The following NREP variants were observed in gnomAD, a reference collection of about 807,000 sequenced individuals.
The protein encoded by NREP is neuronal regeneration related protein.
NREP carries 5 observed loss-of-function variants against 8.6 expected under a neutral mutation model. The ratio of observed to expected loss-of-function variants is 0.58; its 90% confidence interval spans 0.30 to 1.22. NREP has a LOEUF of 1.22. Among genes scored for constraint, NREP ranks in the 50% most tolerant of loss-of-function variants. The probability of loss-of-function intolerance (pLI) is 0.07; values close to 1 mark genes in which losing one functional copy is unlikely to be tolerated. For missense variants in NREP, 86 were observed against 82.5 expected (o/e 1.04, Z -0.17); for synonymous variants, 27 against 28.0 (o/e 0.96, Z 0.11).
chr5:111,786,053 CTTTCA>C (rs1291433922), intron 2 of NREP, among the ~76,000 whole-genome samples: 1 of 152,202 alleles, frequency 6.6e-6, no homozygotes, highest in East Asian at 1.9e-4. Context: ...AAAGCAGCCT[CTTTCA>C]TTGATATTCA....
intron 2 of NREP, among the ~76,000 whole-genome samples, chr5:111,821,766 CT>C (rs1485912314): frequency 2.6e-5 from 4 of 152,234 alleles, no homozygotes; most frequent in African/African-American, 7.2e-5. Context: ...ATTGTCCTTG[CT>C]TTGGTATTAG....
exon 1 of NREP, chr5:111,976,831 CTCTGCAGCCCAT>C: frequency 1.1e-6 from 1 of 929,998 alleles, no homozygotes; most frequent in Non-Finnish European, 1.7e-6. Context: ...CAGGACACAG[CTCTGCAGCCCAT>C]TCTGATTGTC....
intron 2 of NREP, among the ~76,000 whole-genome samples, chr5:111,828,487 A>T (rs1002340203): frequency 1.2e-4 from 19 of 152,020 alleles, no homozygotes; most frequent in Non-Finnish European, 2.9e-5. Context: ...CTTTGGAAAA[A>T]CCACAAACAA....
At chr5:111,837,027 A>G (rs1752912865) in intron 2 of NREP, among the ~76,000 whole-genome samples, 1 of 152,124 alleles carries the variant, frequency 6.6e-6, no homozygotes, top group Non-Finnish European at 1.5e-5. Flanking sequence ...AAGAAAATCC[A>G]GAAGGTACTA....
chr5:111,863,742 C>T (rs1753603541), intron 2 of NREP, among the ~76,000 whole-genome samples: 1 of 151,960 alleles, frequency 6.6e-6, no homozygotes, highest in Non-Finnish European at 1.5e-5. Context: ...ACATAAAGAC[C>T]TTATTCTAAT....
chr5:111,947,774 A>C (rs1486954328), intron 2 of NREP, among the ~76,000 whole-genome samples: 2 of 152,164 alleles, frequency 1.3e-5, no homozygotes, highest in East Asian at 3.9e-4. Flanking sequence ...TTCTTGTTGT[A>C]CATAAAGTAG....
intron 2 of NREP, among the ~76,000 whole-genome samples, chr5:111,749,783 C>G (rs1200713076): frequency 6.6e-6 from 1 of 152,172 alleles, no homozygotes; most frequent in Non-Finnish European, 1.5e-5. Context: ...CTGCTGGGAT[C>G]TGCCAATGAA....
At position 111,776,990 on chromosome 5, in the gene NREP, T is replaced by TGAGGAGGAG. The variant is rs58158043; in HGVS notation, c.136-41492_136-41484dup. On this transcript the variant is annotated intron_variant, in intron 2 of 3. Transcript: ENST00000395634. The stretch of plus-strand genomic sequence containing the variant: ...AAAGAAGGAAAAATAAGAAAAAGGA[T>TGAGGAGGAG]GAGGAGGAGGAGGAGGAAGGAGGTG... Among the ~76,000 whole-genome samples the TGAGGAGGAG allele has an allele frequency of 2.3e-5, 3 of 132,628 alleles. No individual in the cohort carries two copies. In the East Asian group the frequency reaches 6.9e-4, roughly 30 times the overall value. The allele number at this position is 132,628 out of a possible 152,430, so 87.0% of individuals were successfully genotyped here.
At chr5:111,801,648 C>T (rs1004350870) in intron 2 of NREP, among the ~76,000 whole-genome samples, 1 of 152,096 alleles carries the variant, frequency 6.6e-6, no homozygotes, top group Non-Finnish European at 1.5e-5. Flanking sequence ...TATATACATA[C>T]AAGTATGAGC....
intron 2 of NREP, among the ~76,000 whole-genome samples, chr5:111,815,027 G>C (rs1320991687): frequency 6.6e-6 from 1 of 151,474 alleles, no homozygotes; most frequent in Admixed American, 6.6e-5. Flanking sequence ...ACCTAGCGAG[G>C]AATCTTAGAG....
chr5:111,756,320 C>CTG, intron 1 of NREP: 1 of 30,648 alleles, frequency 3.3e-5, no homozygotes, highest in Non-Finnish European at 5.9e-5. Context: ...AAACCCTACA[C>CTG]GGCGGGGGGG....
At chr5:111,744,203 T>C (rs752752397) in intron 2 of NREP, among the ~76,000 whole-genome samples, 1 of 152,180 alleles carries the variant, frequency 6.6e-6, no homozygotes, top group African/African-American at 2.4e-5. Flanking sequence ...CCTCTTCTAC[T>C]GGTAGCTGCA....
At chr5:111,734,313 G>GGC (rs1748899278) in intron 3 of NREP, 2 of 157,524 alleles carry the variant, frequency 1.3e-5, no homozygotes, top group Admixed American at 1.3e-4. Context: ...TATACTGCTC[G>GGC]TGCCGCTGGT....
chr5:111,824,405 G>T (rs1045924973), intron 2 of NREP, among the ~76,000 whole-genome samples: 1 of 152,110 alleles, frequency 6.6e-6, no homozygotes, highest in Non-Finnish European at 1.5e-5. Context: ...ATGTTTTAGA[G>T]CCTAACCCCT....
intron 2 of NREP, among the ~76,000 whole-genome samples, chr5:111,795,007 A>C (rs894680297): frequency 1.3e-5 from 2 of 152,020 alleles, no homozygotes. Context: ...AAAAAAAAAA[A>C]AAAAGAAAAA....
chr5:111,871,921 G>A (rs999887930), intron 2 of NREP, among the ~76,000 whole-genome samples: 1 of 149,180 alleles, frequency 6.7e-6, no homozygotes, highest in African/African-American at 2.5e-5. Flanking sequence ...TGACGTTTCA[G>A]TGTGTGTATA....
intron 2 of NREP, among the ~76,000 whole-genome samples, chr5:111,861,196 C>T (rs560865052): frequency 2.0e-5 from 3 of 152,254 alleles, no homozygotes; most frequent in East Asian, 1.9e-4. Flanking sequence ...TCCTAGAGCA[C>T]CTGCCATGAG....
At chr5:111,946,039 A>G (rs1207280169) in intron 2 of NREP, among the ~76,000 whole-genome samples, 1 of 151,176 alleles carries the variant, frequency 6.6e-6, no homozygotes, top group Non-Finnish European at 1.5e-5. Flanking sequence ...ATGGACTAAG[A>G]GTGGAAAAGA....
chr5:111,919,869 G>GAAAGAAAGAA (rs1755176432), intron 2 of NREP, among the ~76,000 whole-genome samples: 10 of 125,034 alleles, frequency 8.0e-5, no homozygotes, highest in Admixed American at 2.5e-4. Flanking sequence ...CTTGAAGAGA[G>GAAAGAAAGAA]AGAAAGAAAG....
Sources: gnomAD v4.1 joint callset for allele counts (sites outside exome capture counted in the v4.1 genomes callset) on GRCh38, gnomAD v4.1.1 for gene constraint, MANE v1.5 for transcripts, NCBI Gene and HGNC (gene_info 2026-07-23, HGNC 2026-07-21) for gene names.